The following CSMD1 variants were observed in gnomAD, a reference collection of about 807,000 sequenced individuals.
CSMD1 encodes CUB and Sushi multiple domains 1.
A neutral mutation model predicts 417.5 loss-of-function variants in CSMD1; 213 were observed. That is an observed-to-expected ratio of 0.51 (90% CI 0.46 to 0.57). The LOEUF is 0.57. Among genes scored for constraint, CSMD1 ranks in the 20% least tolerant of loss-of-function variants. The pLI, the probability that CSMD1 is intolerant of heterozygous loss-of-function variation, is 0.00. For missense variants in CSMD1, 6,923 were observed against 4,529.7 expected, an observed-to-expected ratio of 1.53 and a Z score of -15.17; for synonymous variants, 2,862 against 1,736.8, an observed-to-expected ratio of 1.65 and a Z score of -16.11.
chr8:3,756,614 A>C (rs904605475), intron 5 of CSMD1, among the ~76,000 whole-genome samples: 1 of 152,180 alleles, frequency 6.6e-6, no homozygotes, highest in African/African-American at 2.4e-5. Flanking sequence ...AATCCCCTGT[A>C]AGTTTCCATT....
chr8:4,062,233 T>A (rs1020431111), intron 3 of CSMD1, among the ~76,000 whole-genome samples: 1 of 152,110 alleles, frequency 6.6e-6, no homozygotes, highest in Non-Finnish European at 1.5e-5. Context: ...CACACAAGTC[T>A]AATTTCCTCA....
Position 3,223,749 on chromosome 8 carries a change from G to C in CSMD1, c.4464C>G (p.Val1488=). The C allele has an allele frequency of 6.2e-7, 1 of 1,613,916 alleles. No individual in the cohort carries two copies. Among genetic ancestry groups the C allele is most frequent in the Admixed American group, 1.7e-5 (1 of 60,018 alleles). ...GGTACCTTTTGAATATCAAGGCGAT[G>C]ACAAAGTCCGGGTTCACTTTTACTC... ...DWRVKVNPDF[V]IALIFKSFNM... The change falls in exon 28 of 70, where the codon GTC becomes GTG. Residue 1488 remains valine, a synonymous_variant. Transcript: ENST00000635120.
chr8:4,438,750 T>A (rs1295623213), intron 2 of CSMD1, among the ~76,000 whole-genome samples: 1 of 152,240 alleles, frequency 6.6e-6, no homozygotes, highest in Non-Finnish European at 1.5e-5. Context: ...TGGTTACAAA[T>A]GAGTCCAAAC....
intron 5 of CSMD1, among the ~76,000 whole-genome samples, chr8:3,763,179 C>G (rs1271252791): frequency 6.6e-6 from 1 of 152,184 alleles, no homozygotes; most frequent in Non-Finnish European, 1.5e-5. Flanking sequence ...TCCCAGAGCC[C>G]TAGGCCAGTC....
rs575064742 is a variant in CSMD1, at chr8:3,328,002, G to C, written c.3631+15292C>G. On this transcript the variant is annotated intron_variant, in intron 23 of 69. Coordinates refer to ENST00000635120, the MANE Select transcript of CSMD1 (RefSeq NM_033225.6). ...GTATAATTGGGGCATCTCCAGCATTGCCAGCCAATTCGGGTTCCAGTTTCC... is the reference window on the plus strand; with the variant it reads ...GTATAATTGGGGCATCTCCAGCATTCCCAGCCAATTCGGGTTCCAGTTTCC... 7.5e-4 allele frequency among the ~76,000 whole-genome samples: 114 copies of C among 152,220 alleles called. 1 individual carries two copies. Among genetic ancestry groups the C allele is most frequent in the Non-Finnish European group, 1.2e-3 (85 of 68,022 alleles).
At chr8:3,817,223 C>T (rs947916099) in intron 5 of CSMD1, among the ~76,000 whole-genome samples, 2 of 139,220 alleles carry the variant, frequency 1.4e-5, no homozygotes, top group East Asian at 2.4e-4. Flanking sequence ...AAAGGATCTC[C>T]AAATCCAAAG....
At position 3,767,847 on chromosome 8, in the gene CSMD1, G is replaced by A. The variant is rs147233568; in HGVS notation, c.819-13805C>T. ...CCTTGCGGGTGGAAATGCCCAGTGG[G>A]TCAGATAAATAAATACGTCTATTTA... On this transcript the variant is annotated intron_variant, in intron 5 of 69. Transcript: ENST00000635120. Among the ~76,000 whole-genome samples the A allele has an allele frequency of 8.5e-3, 1,289 of 152,258 alleles. 25 individuals carry two copies. The highest frequency in any genetic ancestry group is 0.03 in the African/African-American group (1,226 of 41,524).
At chr8:3,028,140 A>G (rs666813) in intron 51 of CSMD1, among the ~76,000 whole-genome samples, 41,813 of 152,090 alleles carry the variant, frequency 0.27, 6,001 homozygotes, top group African/African-American at 0.31. Context: ...CCTGGAAGAA[A>G]TTAATAAGTG....
chr8:3,969,448 C>G (rs1812924228), intron 5 of CSMD1, among the ~76,000 whole-genome samples: 1 of 152,098 alleles, frequency 6.6e-6, no homozygotes. Context: ...GTCATGGTCA[C>G]TAGTGTTGTT....
At chr8:4,880,590 C>T (rs1031361531) in intron 1 of CSMD1, among the ~76,000 whole-genome samples, 1 of 152,104 alleles carries the variant, frequency 6.6e-6, no homozygotes, top group Non-Finnish European at 1.5e-5. Flanking sequence ...CCTGTGTTCT[C>T]AAAGCCCACA....
chr8:4,956,224 C>G (rs915292992), intron 1 of CSMD1, among the ~76,000 whole-genome samples: 2 of 150,038 alleles, frequency 1.3e-5, no homozygotes, highest in Non-Finnish European at 3.0e-5. Context: ...TGTTCAACAC[C>G]TTTACAGCCC....
chr8:3,037,293 C>CTCCGT (rs371652197), intron 50 of CSMD1, among the ~76,000 whole-genome samples: 1 of 145,604 alleles, frequency 6.9e-6, no homozygotes, highest in Non-Finnish European at 1.5e-5. Context: ...GCAAGCTCCG[C>CTCCGT]CTCCTGGGTT....
chr8:3,581,520 C>T (rs893984303), intron 9 of CSMD1, among the ~76,000 whole-genome samples: 6 of 152,182 alleles, frequency 3.9e-5, no homozygotes, highest in Admixed American at 2.6e-4. Context: ...TGCAATTTAT[C>T]GAATGCTTCC....
At chr8:3,372,558 T>C (rs1376399373) in intron 18 of CSMD1, among the ~76,000 whole-genome samples, 1 of 152,052 alleles carries the variant, frequency 6.6e-6, no homozygotes, top group Non-Finnish European at 1.5e-5. Flanking sequence ...GTAGAGCCGG[T>C]GGGACTTTCT....
At chr8:2,974,063 G>GTGGCAGAGGATGA (rs1804703627) in intron 56 of CSMD1, among the ~76,000 whole-genome samples, 3 of 83,300 alleles carry the variant, frequency 3.6e-5, no homozygotes, top group African/African-American at 1.8e-4. Flanking sequence ...GTAGAGGATG[G>GTGGCAGAGGATGA]TGGTAGAGGA....
At chr8:4,710,562 G>T (rs1355712399) in intron 1 of CSMD1, among the ~76,000 whole-genome samples, 2 of 150,520 alleles carry the variant, frequency 1.3e-5, no homozygotes, top group Non-Finnish European at 3.0e-5. Context: ...AAGAAAAATG[G>T]CTTCTGGGTG....
intron 3 of CSMD1, among the ~76,000 whole-genome samples, chr8:4,417,397 T>C (rs1398396426): frequency 6.6e-6 from 1 of 152,036 alleles, no homozygotes; most frequent in Non-Finnish European, 1.5e-5. Context: ...ATTCCCAAGG[T>C]TATCATGTTT....
intron 50 of CSMD1, among the ~76,000 whole-genome samples, chr8:3,036,219 G>C (rs1216038390): frequency 2.0e-5 from 3 of 152,166 alleles, no homozygotes; most frequent in Non-Finnish European, 4.4e-5. Context: ...GCCAGTGACA[G>C]GATAGAAGAA....
At chr8:3,421,059 T>A (rs767083006) in intron 12 of CSMD1, among the ~76,000 whole-genome samples, 19 of 152,352 alleles carry the variant, frequency 1.2e-4, no homozygotes, top group Middle Eastern at 3.4e-3. Context: ...GTCATTTTAT[T>A]ACAATAACTG....
Sources: allele counts gnomAD v4.1 joint callset (sites outside exome capture counted in the v4.1 genomes callset), GRCh38; gene constraint gnomAD v4.1.1; transcripts MANE v1.5; gene names NCBI Gene and HGNC (gene_info 2026-07-23, HGNC 2026-07-21).